ERC1: variants seen among roughly 807,000 people sequenced by gnomAD.
The protein encoded by ERC1 is ELKS/RAB6-interacting/CAST family member 1.
In ERC1, 56 loss-of-function variants were observed where a neutral mutation model predicts 132.0. The observed-to-expected ratio is 0.42, with a 90% confidence interval of 0.34 to 0.53. The LOEUF (loss-of-function observed/expected upper bound fraction) is 0.53, where lower values mean the gene tolerates loss of function less well. ERC1 is among the 20% of genes least tolerant of loss of function. ERC1 has a pLI of 0.03. For missense variants in ERC1, 1,202 were observed against 1,349.9 expected (o/e 0.89, Z 1.72); for synonymous variants, 478 against 476.1 (o/e 1.00, Z -0.05).
At chr12:1,125,958 G>A (rs979432172) in intron 7 of ERC1, among the ~76,000 whole-genome samples, 1 of 152,206 alleles carries the variant, frequency 6.6e-6, no homozygotes, top group Non-Finnish European at 1.5e-5. Flanking sequence ...GAGACAGAAA[G>A]TAGAAAGGTG....
intron 3 of ERC1, among the ~76,000 whole-genome samples, chr12:1,094,970 A>C (rs1177070432): frequency 6.6e-6 from 1 of 152,082 alleles, no homozygotes; most frequent in Non-Finnish European, 1.5e-5. Context: ...AACAATGTGG[A>C]GCTTCTATCC....
chr12:1,365,729 A>G (rs1225073419), intron 15 of ERC1, among the ~76,000 whole-genome samples: 3 of 152,252 alleles, frequency 2.0e-5, no homozygotes, highest in Non-Finnish European at 4.4e-5. Flanking sequence ...GAAAGCTTTT[A>G]GTTTTCAAGT....
intron 7 of ERC1, among the ~76,000 whole-genome samples, chr12:1,125,888 G>A (rs1457698898): frequency 1.3e-5 from 2 of 152,204 alleles, no homozygotes; most frequent in Non-Finnish European, 1.5e-5. Context: ...GTAAGGAGGA[G>A]TTACAAAAAG....
At chr12:1,262,749 C>T (rs534284229) in intron 13 of ERC1, among the ~76,000 whole-genome samples, 2 of 152,194 alleles carry the variant, frequency 1.3e-5, no homozygotes, top group Non-Finnish European at 2.9e-5. Context: ...CCCTTGCCAC[C>T]TCTGCTGTCT....
At chr12:1,194,197 G>T (rs980249401) in intron 12 of ERC1, among the ~76,000 whole-genome samples, 4 of 152,160 alleles carry the variant, frequency 2.6e-5, no homozygotes, top group Non-Finnish European at 5.9e-5. Flanking sequence ...GAGGCAGGCG[G>T]ATCACCTGAG....
intron 8 of ERC1, among the ~76,000 whole-genome samples, chr12:1,155,425 T>C (rs2154257838): frequency 6.6e-6 from 1 of 151,644 alleles, no homozygotes; most frequent in East Asian, 1.9e-4. Flanking sequence ...ATCTATGATA[T>C]GGAATCAACC....
intron 12 of ERC1, chr12:1,204,079 G>T (rs1957146221): frequency 6.3e-6 from 1 of 157,680 alleles, no homozygotes; most frequent in Non-Finnish European, 1.4e-5. Context: ...GGGTGGTTAA[G>T]GCGTAGTTAG....
chr12:1,027,725 A>G, intron 1 of ERC1, 23 bp from the exon 2 acceptor site: 1 of 578,350 alleles, frequency 1.7e-6, no homozygotes, highest in South Asian at 2.4e-5. Context: ...TGGAGGATTT[A>G]ATGTGTGATC....
In ERC1 at chr12:1,190,683, C is replaced by A. The variant is rs140366429; in HGVS notation, c.2351+631C>A. 3.3e-5 allele frequency among the ~76,000 whole-genome samples: 5 copies of A among 152,128 alleles called. No homozygotes were observed. The East Asian group carries it at 5.8e-4, about 18-fold the overall frequency. On this transcript the variant is annotated intron_variant, in intron 12 of 18. Transcript: ENST00000360905. ...TCCTATAATTTTTTTGGTGTGTTTT[C>A]TTATTATTTTATGCTAAAGGTCAAG...
At chr12:1,045,625 G>T (rs1450515908) in intron 2 of ERC1, among the ~76,000 whole-genome samples, 1 of 152,102 alleles carries the variant, frequency 6.6e-6, no homozygotes, top group Non-Finnish European at 1.5e-5. Flanking sequence ...AGAGGAATTT[G>T]TTCAGGTTTC....
chr12:1,200,710 C>T (rs527474472), intron 12 of ERC1, among the ~76,000 whole-genome samples: 8 of 152,176 alleles, frequency 5.3e-5, no homozygotes, highest in Non-Finnish European at 8.8e-5. Context: ...AGGCGCCCGC[C>T]ACCACAGCCG....
chr12:1,007,875 T>C (rs560906201), intron 1 of ERC1, among the ~76,000 whole-genome samples: 2 of 152,086 alleles, frequency 1.3e-5, no homozygotes, highest in South Asian at 4.1e-4. Flanking sequence ...GAAAATAATA[T>C]CTGGCTACAT....
At chr12:1,221,624 A>G (rs939693693) in intron 12 of ERC1, among the ~76,000 whole-genome samples, 2 of 152,218 alleles carry the variant, frequency 1.3e-5, no homozygotes, top group African/African-American at 4.8e-5. Flanking sequence ...AATAAAACCC[A>G]TATTTAAAAT....
At chr12:1,117,899 T>A (rs1055381008) in intron 7 of ERC1, among the ~76,000 whole-genome samples, 3 of 152,234 alleles carry the variant, frequency 2.0e-5, no homozygotes, top group African/African-American at 4.8e-5. Flanking sequence ...TAATGTTACC[T>A]GCAAAGTTAT....
At chr12:1,031,472 T>G (rs1420916463) in intron 2 of ERC1, among the ~76,000 whole-genome samples, 3 of 152,174 alleles carry the variant, frequency 2.0e-5, no homozygotes, top group Non-Finnish European at 4.4e-5. Flanking sequence ...CTAGTTAATA[T>G]CACAGGGCCA....
chr12:1,420,853 A>G (rs1190609562), intron 17 of ERC1, among the ~76,000 whole-genome samples: 2 of 142,366 alleles, frequency 1.4e-5, no homozygotes, highest in Non-Finnish European at 3.0e-5. Flanking sequence ...GTGGAGTGCA[A>G]GGGTGTGCAT....
intron 7 of ERC1, among the ~76,000 whole-genome samples, chr12:1,129,446 A>G (rs1273729392): frequency 1.2e-4 from 18 of 152,188 alleles, no homozygotes; most frequent in Admixed American, 1.2e-3. Flanking sequence ...CCTTGACCTT[A>G]GCTAAGGGCT....
At chr12:1,308,392 T>A (rs1419276178) in intron 15 of ERC1, among the ~76,000 whole-genome samples, 1 of 152,136 alleles carries the variant, frequency 6.6e-6, no homozygotes, top group Non-Finnish European at 1.5e-5. Flanking sequence ...CTAAAGCAGC[T>A]TATGTTGTTC....
At chr12:1,459,454 G>C (rs576147592) in intron 18 of ERC1, among the ~76,000 whole-genome samples, 1 of 151,962 alleles carries the variant, frequency 6.6e-6, no homozygotes, top group African/African-American at 2.4e-5. Context: ...GTCTGTGATG[G>C]TATAAAGAAG....
Sources: gnomAD v4.1 joint callset for allele counts (sites outside exome capture counted in the v4.1 genomes callset) on GRCh38, gnomAD v4.1.1 for gene constraint, MANE v1.5 for transcripts, NCBI Gene and HGNC (gene_info 2026-07-23, HGNC 2026-07-21) for gene names.